The following IFT88 variants were observed in gnomAD, a reference collection of about 807,000 sequenced individuals.
IFT88 encodes the protein intraflagellar transport protein 88 homolog.
Under a neutral mutation model 119.5 loss-of-function variants are expected in IFT88, and 74 were observed. The ratio of observed to expected loss-of-function variants is 0.62; its 90% confidence interval spans 0.51 to 0.75. The LOEUF (loss-of-function observed/expected upper bound fraction) is 0.75, where lower values mean the gene tolerates loss of function less well. Ranked by LOEUF, IFT88 falls within the 30% of genes least tolerant of loss-of-function variation. The pLI is 0.00. For synonymous variants in IFT88, 279 were observed against 316.7 expected (o/e 0.88, Z 1.26); for missense variants, 961 against 977.7 (o/e 0.98, Z 0.23).
chr13:20,668,166 A>C (rs2055073412), intron 23 of IFT88, among the ~76,000 whole-genome samples: 1 of 152,196 alleles, frequency 6.6e-6, no homozygotes, highest in African/African-American at 2.4e-5. Flanking sequence ...CCAGCCCTGG[A>C]ATACCCGGTG....
chr13:20,610,681 A>G (rs1051128866), intron 13 of IFT88, among the ~76,000 whole-genome samples: 1 of 94,382 alleles, frequency 1.1e-5, no homozygotes, highest in African/African-American at 4.5e-5. Context: ...GACAGTACCA[A>G]AAAAAAAAAG....
At chr13:20,632,287 A>T (rs2048318738) in intron 16 of IFT88, 1 of 152,168 alleles carries the variant, frequency 6.6e-6, no homozygotes, top group South Asian at 2.1e-4. Flanking sequence ...AGAGGAAATG[A>T]TCCGAGATTT....
chr13:20,644,428 G>GA (rs2050434213), intron 19 of IFT88, among the ~76,000 whole-genome samples: 4 of 152,108 alleles, frequency 2.6e-5, no homozygotes, highest in Admixed American at 2.0e-4. Context: ...CTGAACCTGG[G>GA]AGGCAGAGGT....
chr13:20,653,962 T>A, intron 21 of IFT88, 34 bp downstream of exon 21: 1 of 1,370,170 alleles, frequency 7.3e-7, no homozygotes, highest in Non-Finnish European at 1.0e-6. Flanking sequence ...TTTATAGATA[T>A]TTTGCTTCTT....
intron 5 of IFT88, among the ~76,000 whole-genome samples, chr13:20,591,278 G>A (rs918256272): frequency 2.6e-5 from 4 of 152,128 alleles, no homozygotes; most frequent in African/African-American, 7.2e-5. Context: ...TTGCTTATAT[G>A]ATGTATTCTG....
At chr13:20,595,341 T>C (rs924574032) in intron 7 of IFT88, among the ~76,000 whole-genome samples, 11 of 151,912 alleles carry the variant, frequency 7.2e-5, no homozygotes, top group Non-Finnish European at 1.2e-4. Context: ...GAGTATGGAG[T>C]GCAGTGGCGC....
At chr13:20,606,001 A>T (rs1327802826) in intron 13 of IFT88, among the ~76,000 whole-genome samples, 1 of 119,102 alleles carries the variant, frequency 8.4e-6, no homozygotes, top group Non-Finnish European at 1.7e-5. Context: ...TTTAGGGTTT[A>T]TATGTAGGTT....
At chr13:20,568,873 A>T (rs550390074) in intron 1 of IFT88, among the ~76,000 whole-genome samples, 71 of 152,144 alleles carry the variant, frequency 4.7e-4, no homozygotes, top group Middle Eastern at 6.8e-3. Context: ...GGCGCCCGCC[A>T]CCATGCCCAG....
In IFT88 at chr13:20,618,207, A is replaced by G. The variant is rs529051607; in HGVS notation, c.1199+2328A>G. On this transcript the variant is annotated intron_variant, in intron 14 of 25. Transcript: ENST00000351808. ...AGCGCTGGGATTATGGTCGTGAGCC[A>G]CTGCGCCTGGCCGGATCAAAACTTT... 3.3e-4 allele frequency among the ~76,000 whole-genome samples: 50 copies of G among 152,350 alleles called. 1 individual carries two copies. In the South Asian group the frequency reaches 9.7e-3, roughly 30 times the overall value.
chr13:20,631,429 G>T (rs987486428), intron 16 of IFT88: 1 of 225,268 alleles, frequency 4.4e-6, no homozygotes, highest in Non-Finnish European at 8.9e-6. Context: ...GACATCTTAG[G>T]TTAAAAGATT....
intron 20 of IFT88, among the ~76,000 whole-genome samples, chr13:20,650,198 T>C (rs80144223): frequency 2.7e-3 from 418 of 152,258 alleles, no homozygotes; most frequent in Non-Finnish European, 5.1e-3. Flanking sequence ...CCAATATCTT[T>C]TGTGAATGTA....
In IFT88 at chr13:20,601,970, A is replaced by G. The variant is rs201919391; in HGVS notation, c.1041+37A>G. The G allele has an allele frequency of 1.2e-5, 14 of 1,157,936 alleles. No homozygotes were observed. In the East Asian group the frequency reaches 3.4e-4, roughly 28 times the overall value. The allele number at this position is 1,157,936 out of a possible 1,614,324, so 71.7% of individuals were successfully genotyped here. On this transcript the variant is annotated intron_variant, in intron 12 of 25. Transcript: ENST00000351808. ...AAAGACATTTCTGTAGCCACTTCCCACTTATCTGTGCTTTTCTGTTTTCAG... is the reference window on the plus strand; with the variant it reads ...AAAGACATTTCTGTAGCCACTTCCCGCTTATCTGTGCTTTTCTGTTTTCAG...
rs1399929581 is a variant in IFT88, at chr13:20,606,024, C to CGTG, written c.1112+919_1112+920insGTG. ...TTATATGTAGGTTTCATGATGTAGG[C>CGTG]ATGATTTTTATCATTGGCCATTGGT... On this transcript the variant is annotated intron_variant, in intron 13 of 25. Coordinates refer to ENST00000351808, the MANE Select transcript of IFT88 (RefSeq NM_006531.5). Among the ~76,000 whole-genome samples, 4 of 21,262 alleles carry CGTG rather than the reference C, an allele frequency of 1.9e-4. No individual in the cohort carries two copies. In the East Asian group the frequency reaches 0.12, roughly 664 times the overall value. 13.9% of individuals were successfully genotyped at this position (21,262 alleles called of 152,430 possible). A position where few individuals can be genotyped will look rare whatever the true frequency, so the allele number is the denominator to read the frequency against.
intron 14 of IFT88, among the ~76,000 whole-genome samples, chr13:20,617,100 A>T (rs929394049): frequency 1.6e-4 from 24 of 151,966 alleles, no homozygotes; most frequent in Non-Finnish European, 3.2e-4. Flanking sequence ...CCCGCCACCA[A>T]GCCCAGCTAA....
At chr13:20,578,034 CTTTTTTTTTTTTTT>C (rs57202566) in intron 2 of IFT88, among the ~76,000 whole-genome samples, 9 of 55,834 alleles carry the variant, frequency 1.6e-4, no homozygotes, top group Admixed American at 5.7e-4. Flanking sequence ...CTTGTTACTT[CTTTTTTTTTTTTTT>C]TTTTTTTTTT....
intron 13 of IFT88, chr13:20,607,414 C>A: frequency 3.1e-6 from 2 of 641,024 alleles, no homozygotes; most frequent in Admixed American, 1.9e-5. Flanking sequence ...TGTCCCAGAT[C>A]ATTATAAAGA....
chr13:20,634,594 G>T (rs2048719847), intron 16 of IFT88, among the ~76,000 whole-genome samples: 1 of 152,066 alleles, frequency 6.6e-6, no homozygotes, highest in Non-Finnish European at 1.5e-5. Flanking sequence ...AGGCATGGTG[G>T]TGCATACCTG....
intron 22 of IFT88, among the ~76,000 whole-genome samples, chr13:20,659,638 A>G (rs2053458811): frequency 8.5e-6 from 1 of 117,924 alleles, no homozygotes; most frequent in Non-Finnish European, 1.7e-5. Flanking sequence ...CTTTTACAAT[A>G]CTTTATGGTC....
chr13:20,592,480 T>A (rs2040851597), intron 7 of IFT88, 76 bp downstream of exon 7: 11 of 1,211,154 alleles, frequency 9.1e-6, no homozygotes, highest in Non-Finnish European at 1.3e-5. Flanking sequence ...TACACAATTT[T>A]TTTTTTTGAG....
Sources: gnomAD v4.1 joint callset for allele counts (sites outside exome capture counted in the v4.1 genomes callset) on GRCh38, gnomAD v4.1.1 for gene constraint, MANE v1.5 for transcripts, NCBI Gene and HGNC (gene_info 2026-07-23, HGNC 2026-07-21) for gene names.